Variants in AGPAT1 observed in about 807,000 individuals in gnomAD.
AGPAT1 encodes the protein 1-acyl-sn-glycerol-3-phosphate acyltransferase alpha.
In AGPAT1, 6 loss-of-function variants were observed where a neutral mutation model predicts 31.2. The observed-to-expected ratio is 0.19, with a 90% CI of 0.11 to 0.38. The LOEUF is 0.38. AGPAT1 is among the 10% of genes least tolerant of loss of function. The pLI, the probability that AGPAT1 is intolerant of heterozygous loss-of-function variation, is 1.00. For missense variants in AGPAT1, 187 were observed against 377.8 expected, an observed-to-expected ratio of 0.49 and a Z score of 4.19; for synonymous variants, 139 against 154.0, an observed-to-expected ratio of 0.90 and a Z score of 0.72.
Position 32,170,687 on chromosome 6 carries a change from G to T in AGPAT1, c.335-87C>A. The T allele has an allele frequency of 6.6e-7, 1 of 1,505,808 alleles. No individual in the cohort carries two copies. Among genetic ancestry groups the T allele is most frequent in the Non-Finnish European group, 9.1e-7 (1 of 1,098,982 alleles). 93.3% of individuals were successfully genotyped at this position (1,505,808 alleles called of 1,614,324 possible). A position where few individuals can be genotyped will look rare whatever the true frequency, so the allele number is the denominator to read the frequency against. On this transcript the variant is annotated intron_variant, in intron 3 of 6. Transcript: ENST00000375107. This position sits in a 1 kb window ranked among gnomAD's most constrained non-coding sequence, Gnocchi z 7.7. ...CACCTCACCCAGCTCATCACCCTCTGGTAGGGACTGGAGGTGAAGGAGGAG... is the reference window on the plus strand; with the variant it reads ...CACCTCACCCAGCTCATCACCCTCTTGTAGGGACTGGAGGTGAAGGAGGAG...
rs1333987914 is a variant in AGPAT1, at chr6:32,174,583, C to T, written c.-10+1231G>A. Among the ~76,000 whole-genome samples, 3 of 152,200 alleles carry T rather than the reference C, an allele frequency of 2.0e-5. No homozygotes were observed. The highest frequency in any genetic ancestry group is 4.4e-5 in the Non-Finnish European group (3 of 68,030). The stretch of plus-strand genomic sequence containing the variant: ...AATGGGGTTCACAGCAGGATTGACC[C>T]TGTGACATGCATTGAGCTCATGGAC... On this transcript the variant is annotated intron_variant, in intron 1 of 6. Coordinates refer to ENST00000375107, the MANE Select transcript of AGPAT1 (RefSeq NM_006411.4). This position sits in a 1 kb window ranked among gnomAD's most constrained non-coding sequence, Gnocchi z 4.5.
Position 32,173,551 on chromosome 6 carries a change from A to G in AGPAT1, c.-9-2046T>C, listed in dbSNP as rs1785280936. Among the ~76,000 whole-genome samples the G allele has an allele frequency of 6.6e-6, 1 of 152,208 alleles. No individual in the cohort carries two copies. Among genetic ancestry groups the G allele is most frequent in the Non-Finnish European group, 1.5e-5 (1 of 68,044 alleles). On this transcript the variant is annotated intron_variant, in intron 1 of 6. Transcript: ENST00000375107. This position sits in a 1 kb window ranked among gnomAD's most constrained non-coding sequence, Gnocchi z 4.7. ...CACAGAGCATTTCCCTGTCTTGCCTAAAGGCTCTTCTTGATAAGTTGACTT... is the reference window on the plus strand; with the variant it reads ...CACAGAGCATTTCCCTGTCTTGCCTGAAGGCTCTTCTTGATAAGTTGACTT...
chr6:32,177,352 G>GGCGGGTCTAGCCTCC (rs1240502003), upstream of AGPAT1: 5 of 356,216 alleles, frequency 1.4e-5, no homozygotes. Context: ...AAGAGGAAAG[G>GGCGGGTCTAGCCTCC]GCGGGTCTAG....
rs749502328 is a variant in AGPAT1, at chr6:32,174,506, G to A, written c.-10+1308C>T. Reference sequence around the variant, plus strand: ...GGGAAAGATGCTGCTCTCATCAAATGTGTGCCAACAGTGCAAAGAATGGAG... The same window carrying A: ...GGGAAAGATGCTGCTCTCATCAAATATGTGCCAACAGTGCAAAGAATGGAG... On this transcript the variant is annotated intron_variant, in intron 1 of 6. Transcript: ENST00000375107. The surrounding 1 kb of genome is among the most constrained non-coding windows in gnomAD (Gnocchi z 4.5). Among the ~76,000 whole-genome samples, 8 of 152,214 alleles carry A rather than the reference G, an allele frequency of 5.3e-5. No individual in the cohort carries two copies. Among genetic ancestry groups the A allele is most frequent in the Admixed American group, 1.3e-4 (2 of 15,284 alleles).
Position 32,174,771 on chromosome 6 carries a change from A to G in AGPAT1, c.-10+1043T>C, listed in dbSNP as rs2127421296. Among the ~76,000 whole-genome samples the G allele has an allele frequency of 6.6e-6, 1 of 152,362 alleles. No individual in the cohort carries two copies. ...ATTAAGTGACCCTCTTTGGAGAACA[A>G]AAGTCCAAGGATTTAGAAATGCAAT... On this transcript the variant is annotated intron_variant, in intron 1 of 6. Transcript: ENST00000375107. The surrounding 1 kb of genome is among the most constrained non-coding windows in gnomAD (Gnocchi z 4.5).
At position 32,173,593 on chromosome 6, in the gene AGPAT1, C is replaced by T. The variant is rs1785285113; in HGVS notation, c.-9-2088G>A. On this transcript the variant is annotated intron_variant, in intron 1 of 6. Transcript: ENST00000375107. This position sits in a 1 kb window ranked among gnomAD's most constrained non-coding sequence, Gnocchi z 4.7. Reference sequence around the variant, plus strand: ...AGTTGACTTCTGCTTACATCTTCGACCACATCCTCACAAAACTCTTTGTTC... The same window carrying T: ...AGTTGACTTCTGCTTACATCTTCGATCACATCCTCACAAAACTCTTTGTTC... 6.6e-6 allele frequency among the ~76,000 whole-genome samples: 1 copy of T among 152,210 alleles called. No homozygotes were observed. Among genetic ancestry groups the T allele is most frequent in the Non-Finnish European group, 1.5e-5 (1 of 68,036 alleles).
rs182728491 is a variant in AGPAT1 at position 32,175,374 on chromosome 6, T to C, written c.-10+440A>G. ...TAAGGCATTTGTGTGTCAGTAAGGG[T>C]CTAGCAGTGTGGAAGGCCACTGAGA... On this transcript the variant is annotated intron_variant, in intron 1 of 6. Transcript: ENST00000375107. The surrounding 1 kb of genome is among the most constrained non-coding windows in gnomAD (Gnocchi z 4.5). 3.9e-5 allele frequency among the ~76,000 whole-genome samples: 6 copies of C among 152,014 alleles called. No homozygotes were observed. Among genetic ancestry groups the C allele is most frequent in the Admixed American group, 1.3e-4 (2 of 15,286 alleles).
upstream of AGPAT1, chr6:32,176,726 T>TA (rs1785593056): frequency 3.5e-6 from 1 of 282,890 alleles, no homozygotes; most frequent in African/African-American, 2.2e-5. Flanking sequence ...CATGCTCTTT[T>TA]ACCTCTGTAC....
chr6:32,175,906 G>A lies in AGPAT1; in HGVS notation c.-102C>T, dbSNP rs2127423060. The A allele has an allele frequency of 4.1e-6, 4 of 986,178 alleles. No homozygotes were observed. The highest frequency in any genetic ancestry group is 1.7e-5 in the African/African-American group (1 of 57,358). The allele number at this position is 986,178 out of a possible 1,614,324, so 61.1% of individuals were successfully genotyped here. A position where few individuals can be genotyped will look rare whatever the true frequency, so the allele number is the denominator to read the frequency against. ...GATGGCTGTGTCTCTGTCTCTGTCG[G>A]GGTGTCGGTGCCAAGGGGGCGACGG... is the stretch of plus-strand genomic sequence containing the variant. On this transcript the variant is annotated 5_prime_UTR_variant, in exon 1 of 7. Transcript: ENST00000375107. The surrounding 1 kb of genome is among the most constrained non-coding windows in gnomAD (Gnocchi z 4.5).
In AGPAT1 at chr6:32,171,258, C is replaced by G. The variant is rs1189839855; in HGVS notation, c.200+39G>C. On this transcript the variant is annotated intron_variant, in intron 2 of 6. Coordinates refer to ENST00000375107, the MANE Select transcript of AGPAT1 (RefSeq NM_006411.4). The surrounding 1 kb of genome is among the most constrained non-coding windows in gnomAD (Gnocchi z 6.9). ...CCCAATCCACTACTCACTTTGTACC[C>G]TTAGGTTCCCTCATTGCCCAAGACC... is the stretch of plus-strand genomic sequence containing the variant. 8 of 1,612,932 alleles carry G rather than the reference C, an allele frequency of 5.0e-6. No homozygotes were observed. Among genetic ancestry groups the G allele is most frequent in the Non-Finnish European group, 5.9e-6 (7 of 1,180,006 alleles).
rs752528204 is a variant in AGPAT1 at position 32,171,529 on chromosome 6, A to C, written c.-9-24T>G. 1 of 1,547,544 alleles carries C rather than the reference A, an allele frequency of 6.5e-7. No homozygotes were observed. The highest frequency in any genetic ancestry group is 1.2e-5 in the South Asian group (1 of 85,556). On this transcript the variant is annotated intron_variant, in intron 1 of 6. Transcript: ENST00000375107. The surrounding 1 kb of genome is among the most constrained non-coding windows in gnomAD (Gnocchi z 6.9). The stretch of plus-strand genomic sequence containing the variant: ...ACCTGCAGGGGATGGGGCAAGGGAC[A>C]ATCAGCCTGGTTTCTGGAGGAGAGT...
rs1785155789 is a variant in AGPAT1, at chr6:32,172,120, TG to T, written c.-9-616del. ...CGAGGTCAGGAGTTCAGGACCAGCC[TG>T]ACCAACATGGTGAAACCCCGTCTCT... On this transcript the variant is annotated intron_variant, in intron 1 of 6. Transcript: ENST00000375107. This position sits in a 1 kb window ranked among gnomAD's most constrained non-coding sequence, Gnocchi z 4.3. 1 of 154,144 alleles carries T rather than the reference TG, an allele frequency of 6.5e-6. No homozygotes were observed. Among genetic ancestry groups the T allele is most frequent in the Non-Finnish European group, 1.4e-5 (1 of 69,340 alleles). 9.5% of individuals were successfully genotyped at this position (154,144 alleles called of 1,614,324 possible).
Position 32,169,844 on chromosome 6 carries a change from T to C in AGPAT1, c.679+122A>G. 3 of 896,272 alleles carry C rather than the reference T, an allele frequency of 3.3e-6. No individual in the cohort carries two copies. The highest frequency in any genetic ancestry group is 5.3e-6 in the Non-Finnish European group (3 of 569,612). 55.5% of individuals were successfully genotyped at this position (896,272 alleles called of 1,614,324 possible). On this transcript the variant is annotated intron_variant, in intron 6 of 6. Coordinates refer to ENST00000375107, the MANE Select transcript of AGPAT1 (RefSeq NM_006411.4). The surrounding 1 kb of genome is among the most constrained non-coding windows in gnomAD (Gnocchi z 5.9). ...TAAAGACTTATTGGCTGATGTGGGG[T>C]TAGACTAGATGACTGTGTAGACATC...
chr6:32,176,554 GACTCCATCTC>G (rs941676609), upstream of AGPAT1: 14 of 986,236 alleles, frequency 1.4e-5, no homozygotes, highest in Middle Eastern at 5.2e-4. Flanking sequence ...TTCTCTCCAG[GACTCCATCTC>G]ACTCCATCTC....
upstream of AGPAT1, chr6:32,177,161 C>T (rs1447672384): frequency 2.5e-6 from 1 of 398,500 alleles, no homozygotes; most frequent in African/African-American, 2.1e-5. Flanking sequence ...AAGGTCCCCC[C>T]TCTAGCCACA....
rs1784918164 is a variant in AGPAT1, at chr6:32,169,939, T to C, written c.679+27A>G. On this transcript the variant is annotated intron_variant, in intron 6 of 6. Transcript: ENST00000375107. This position sits in a 1 kb window ranked among gnomAD's most constrained non-coding sequence, Gnocchi z 5.9. ...CCTCCCAGCCTCTCCGGACACACCC[T>C]ACCCCAGAACTGCTCAAAGCCCTCA... The C allele has an allele frequency of 1.2e-6, 2 of 1,600,294 alleles. No individual in the cohort carries two copies. Among genetic ancestry groups the C allele is most frequent in the Admixed American group, 1.7e-5 (1 of 59,946 alleles).
At position 32,169,861 on chromosome 6, in the gene AGPAT1, G is replaced by C; in HGVS notation, c.679+105C>G. Reference sequence around the variant, plus strand: ...ATGTGGGGTTAGACTAGATGACTGTGTAGACATCTCATGGCTCTGACACTG... The same window carrying C: ...ATGTGGGGTTAGACTAGATGACTGTCTAGACATCTCATGGCTCTGACACTG... On this transcript the variant is annotated intron_variant, in intron 6 of 6. Transcript: ENST00000375107. This position sits in a 1 kb window ranked among gnomAD's most constrained non-coding sequence, Gnocchi z 5.9. 9.7e-7 allele frequency: 1 copy of C among 1,033,832 alleles called. No individual in the cohort carries two copies. The highest frequency in any genetic ancestry group is 2.5e-5 in the East Asian group (1 of 40,616). 64.0% of individuals were successfully genotyped at this position (1,033,832 alleles called of 1,614,324 possible). A position where few individuals can be genotyped will look rare whatever the true frequency, so the allele number is the denominator to read the frequency against.
At position 32,171,455 on chromosome 6, in the gene AGPAT1, GAGC is replaced by G. The variant is rs752527527; in HGVS notation, c.39_41del (p.Leu14del). On this transcript the variant is annotated inframe_deletion, in exon 2 of 7. Coordinates refer to ENST00000375107, the MANE Select transcript of AGPAT1 (RefSeq NM_006411.4). This position sits in a 1 kb window ranked among gnomAD's most constrained non-coding sequence, Gnocchi z 6.9. The stretch of plus-strand genomic sequence containing the variant: ...GCAGCAGGAAGAGCAGCAGCAGGAA[GAGC>G]AGCAGCAGCAGCATCCATGCCCCTG... The G allele has an allele frequency of 3.1e-6, 5 of 1,611,110 alleles. No individual in the cohort carries two copies. The highest frequency in any genetic ancestry group is 1.7e-6 in the Non-Finnish European group (2 of 1,179,310).
At position 32,175,720 on chromosome 6, in the gene AGPAT1, T is replaced by TCGGCCCTCCCAG. The variant is rs1343463299; in HGVS notation, c.-10+82_-10+93dup. 1.6e-6 allele frequency: 1 copy of TCGGCCCTCCCAG among 637,776 alleles called. No homozygotes were observed. The highest frequency in any genetic ancestry group is 6.3e-5 in the Admixed American group (1 of 15,756). 39.5% of individuals were successfully genotyped at this position (637,776 alleles called of 1,614,324 possible). A position where few individuals can be genotyped will look rare whatever the true frequency, so the allele number is the denominator to read the frequency against. On this transcript the variant is annotated intron_variant, in intron 1 of 6. Transcript: ENST00000375107. The surrounding 1 kb of genome is among the most constrained non-coding windows in gnomAD (Gnocchi z 4.5). ...TTTCCCCAGCAACCCTCTCCCCCAG[T>TCGGCCCTCCCAG]CGGCCCTCCCAGACCCAATCTCTCC...
Sources: gnomAD v4.1 joint callset for allele counts (sites outside exome capture counted in the v4.1 genomes callset) on GRCh38, gnomAD v4.1.1 for gene constraint, Gnocchi (gnomAD v3.1) non-coding constraint, MANE v1.5 for transcripts, NCBI Gene and HGNC (gene_info 2026-07-23, HGNC 2026-07-21) for gene names.